CACNA1D: variants seen among roughly 807,000 people sequenced by gnomAD.
The protein encoded by CACNA1D is voltage-dependent L-type calcium channel subunit alpha-1D.
CACNA1D carries 55 observed loss-of-function variants against 257.1 expected under a neutral mutation model. The observed-to-expected ratio is 0.21, with a 90% CI of 0.17 to 0.27. The LOEUF is 0.27. Among genes scored for constraint, CACNA1D ranks in the 10% least tolerant of loss-of-function variants. The pLI is 1.00. For missense variants in CACNA1D, 1,876 were observed against 2,784.0 expected, an observed-to-expected ratio of 0.67 and a Z score of 7.34; for synonymous variants, 980 against 1,014.9, an observed-to-expected ratio of 0.97 and a Z score of 0.65.
At chr3:53,497,873 G>T (rs1208052512) in intron 2 of CACNA1D, among the ~76,000 whole-genome samples, 1 of 152,200 alleles carries the variant, frequency 6.6e-6, no homozygotes. Flanking sequence ...ATAAGACTCT[G>T]TTTGAAGGGA....
rs766267935 is a variant in CACNA1D at position 53,721,808 on chromosome 3, A to T, written c.1506-506A>T. ...AGAAAGGATTGAAAAGGTTCCCTTT[A>T]AAAAAAAAAAAACTAGCTTTGTAGC... On this transcript the variant is annotated intron_variant, in intron 11 of 47. Transcript: ENST00000350061. Among the ~76,000 whole-genome samples, 213 of 139,256 alleles carry T rather than the reference A, an allele frequency of 1.5e-3. 1 individual carries two copies. Among genetic ancestry groups the T allele is most frequent in the Non-Finnish European group, 2.0e-3 (127 of 64,736 alleles). 91.4% of individuals were successfully genotyped at this position (139,256 alleles called of 152,430 possible). A position where few individuals can be genotyped will look rare whatever the true frequency, so the allele number is the denominator to read the frequency against.
At chr3:53,513,977 T>G (rs1467929386) in intron 3 of CACNA1D, among the ~76,000 whole-genome samples, 1 of 152,186 alleles carries the variant, frequency 6.6e-6, no homozygotes, top group Non-Finnish European at 1.5e-5. Flanking sequence ...GTAAGTACAC[T>G]CCGTGTTCAC....
chr3:53,599,490 A>G (rs905833821), intron 3 of CACNA1D, among the ~76,000 whole-genome samples: 1 of 151,896 alleles, frequency 6.6e-6, no homozygotes, highest in Non-Finnish European at 1.5e-5. Flanking sequence ...TCTTGACATT[A>G]AAAAAAACAA....
chr3:53,779,949 GA>G, intron 37 of CACNA1D, 76 bp from the exon 38 acceptor site: 1 of 1,046,344 alleles, frequency 9.6e-7, no homozygotes. Flanking sequence ...GTGATAAACG[GA>G]AAATAAACAT....
intron 3 of CACNA1D, among the ~76,000 whole-genome samples, chr3:53,604,898 C>T (rs970359666): frequency 1.3e-5 from 2 of 152,180 alleles, no homozygotes; most frequent in African/African-American, 2.4e-5. Flanking sequence ...GTAGCATGCT[C>T]ACCCCTGATG....
chr3:53,706,877 T>C (rs1235898544), intron 9 of CACNA1D, among the ~76,000 whole-genome samples: 1 of 152,176 alleles, frequency 6.6e-6, no homozygotes, highest in African/African-American at 2.4e-5. Flanking sequence ...TATGCAGTAT[T>C]TGACTTTCCT....
chr3:53,695,376 C>T (rs2108548646), intron 8 of CACNA1D, among the ~76,000 whole-genome samples: 1 of 152,308 alleles, frequency 6.6e-6, no homozygotes. Flanking sequence ...AGACCCTCAG[C>T]AGGCATCCTT....
chr3:53,542,660 T>G (rs950475087), intron 3 of CACNA1D, among the ~76,000 whole-genome samples: 1 of 152,144 alleles, frequency 6.6e-6, no homozygotes, highest in South Asian at 2.1e-4. Flanking sequence ...GCAAGTTAGA[T>G]ATAAGTGAAA....
intron 3 of CACNA1D, among the ~76,000 whole-genome samples, chr3:53,605,526 T>C (rs55747966): frequency 1.3e-5 from 2 of 152,188 alleles, no homozygotes; most frequent in Non-Finnish European, 2.9e-5. Flanking sequence ...ATAAGGATAA[T>C]GAATTCTGAT....
At chr3:53,698,126 T>C (rs1424969145) in intron 8 of CACNA1D, among the ~76,000 whole-genome samples, 1 of 152,230 alleles carries the variant, frequency 6.6e-6, no homozygotes, top group Non-Finnish European at 1.5e-5. Context: ...ATCAGCCTCT[T>C]TTAAAAATCA....
chr3:53,789,990 A>G lies in CACNA1D; in HGVS notation c.4923+3038A>G, dbSNP rs1038907128. Among the ~76,000 whole-genome samples the G allele has an allele frequency of 5.3e-5, 8 of 152,150 alleles. No individual in the cohort carries two copies. The highest frequency in any genetic ancestry group is 1.4e-4 in the African/African-American group (6 of 41,430). On this transcript the variant is annotated intron_variant, in intron 40 of 47. Coordinates refer to ENST00000350061, the MANE Select transcript of CACNA1D (RefSeq NM_001128840.3). The surrounding 1 kb of genome is among the most constrained non-coding windows in gnomAD (Gnocchi z 4.2). ...GTGTCTTCTGGCCTCTGTGGTCTGA[A>G]TGAGTGTGCAGTTTCCATCCTTCCA...
chr3:53,630,187 A>T (rs954965275), intron 3 of CACNA1D, among the ~76,000 whole-genome samples: 3 of 152,224 alleles, frequency 2.0e-5, no homozygotes, highest in Non-Finnish European at 4.4e-5. Context: ...TGTTTTCATT[A>T]TTCTGTATCT....
chr3:53,749,355 C>A lies in CACNA1D; in HGVS notation c.3402C>A (p.Ile1134=). 1 of 1,611,438 alleles carries A rather than the reference C, an allele frequency of 6.2e-7. No homozygotes were observed. Among genetic ancestry groups the A allele is most frequent in the Non-Finnish European group, 8.5e-7 (1 of 1,177,992 alleles). ...HRVEISIFFI[I]YIIIVAFFMM... is the part of the protein sequence containing the mutation. ...TGGAGATCTCCATCTTCTTCATCAT[C>A]TACATCATCATTGTAGCTTTCTTCA... The change falls in exon 27 of 48, where the codon ATC becomes ATA. Residue 1134 remains isoleucine, a synonymous_variant. Coordinates refer to ENST00000350061, the MANE Select transcript of CACNA1D (RefSeq NM_001128840.3).
At position 53,772,847 on chromosome 3, in the gene CACNA1D, G is replaced by A. The variant is rs1457749645; in HGVS notation, c.4059G>A (p.Val1353=). The part of the protein sequence containing the change: ...FIKSFQALPY[V]ALLIAMLFFI... ...TTCTCTCCCAGGCGCTCCCGTATGT[G>A]GCCCTCCTCATAGCCATGCTGTTCT... The change falls in exon 33 of 48, where the codon GTG becomes GTA. Residue 1353 remains valine, a synonymous_variant. Transcript: ENST00000350061. 11 of 1,613,952 alleles carry A rather than the reference G, an allele frequency of 6.8e-6. No individual in the cohort carries two copies. The highest frequency in any genetic ancestry group is 8.5e-6 in the Non-Finnish European group (10 of 1,179,956).
intron 20 of CACNA1D, among the ~76,000 whole-genome samples, chr3:53,736,734 T>C (rs1486533628): frequency 6.6e-6 from 1 of 151,620 alleles, no homozygotes. Flanking sequence ...TATATAAAAA[T>C]TTAAAAATTA....
In CACNA1D at chr3:53,811,375, C is replaced by A. The variant is rs1053519731; in HGVS notation, c.6455C>A (p.Ala2152Glu). 1 of 1,580,574 alleles carries A rather than the reference C, an allele frequency of 6.3e-7. No individual in the cohort carries two copies. The highest frequency in any genetic ancestry group is 8.6e-7 in the Non-Finnish European group (1 of 1,160,212). Residue 2152 changes from alanine to glutamate, a missense_variant, in exon 48 of 48, where the codon GCG (alanine) becomes GAG (glutamate). This residue lies in a region of CACNA1D where 491 missense variants were observed against 554.3 expected (regional missense o/e 0.89). Transcript: ENST00000350061. The surrounding 1 kb of genome is among the most constrained non-coding windows in gnomAD (Gnocchi z 4.2). ...CCTGGGAGGGATGAGGAGGACCTGG[C>A]GGATGAAATGATATGCATCACCACC... ...PDPGRDEEDL[A>E]DEMICITTL
At chr3:53,632,645 C>T (rs1331477290) in intron 3 of CACNA1D, among the ~76,000 whole-genome samples, 1 of 152,200 alleles carries the variant, frequency 6.6e-6, no homozygotes, top group Non-Finnish European at 1.5e-5. Flanking sequence ...TAAAGTGAGA[C>T]ATATGAGTCT....
chr3:53,498,405 G>T (rs891855501), intron 2 of CACNA1D, among the ~76,000 whole-genome samples: 1 of 152,298 alleles, frequency 6.6e-6, no homozygotes, highest in East Asian at 1.9e-4. Flanking sequence ...CCAACCTCCA[G>T]TTACTGCCAC....
rs2094342544 is a variant in CACNA1D at position 53,673,197 on chromosome 3, G to C, written c.1220+71G>C. 2.9e-6 allele frequency: 3 copies of C among 1,047,444 alleles called. No individual in the cohort carries two copies. The Admixed American group carries it at 6.2e-5, about 22-fold the overall frequency. The allele number at this position is 1,047,444 out of a possible 1,614,324, so 64.9% of individuals were successfully genotyped here. ...TTGCCAAGACCACACAAGCTTTGCT[G>C]GATGAGGGCCGCCAAGAGGGGTTGC... is the stretch of plus-strand genomic sequence containing the variant. On this transcript the variant is annotated intron_variant, in intron 8 of 47. Transcript: ENST00000350061. The surrounding 1 kb of genome is among the most constrained non-coding windows in gnomAD (Gnocchi z 4.1).
Sources: gnomAD v4.1 joint callset for allele counts (sites outside exome capture counted in the v4.1 genomes callset) on GRCh38, gnomAD v4.1.1 for gene constraint, gnomAD v4.1.1 regional missense constraint, Gnocchi (gnomAD v3.1) non-coding constraint, MANE v1.5 for transcripts, NCBI Gene and HGNC (gene_info 2026-07-23, HGNC 2026-07-21) for gene names.